The following SPINK9 variants were observed in gnomAD, a reference collection of about 807,000 sequenced individuals.
SPINK9 encodes serine protease inhibitor Kazal-type 9.
Under a neutral mutation model 10.8 loss-of-function variants are expected in SPINK9, and 3 were observed. That is an observed-to-expected ratio of 0.28 (90% confidence interval 0.13 to 0.72). SPINK9 has a LOEUF of 0.72. SPINK9 is among the 30% of genes least tolerant of loss of function. The pLI, the probability that SPINK9 is intolerant of heterozygous loss-of-function variation, is 0.74. For synonymous variants in SPINK9, 30 were observed against 31.2 expected (o/e 0.96, Z 0.12); for missense variants, 101 against 103.2 (o/e 0.98, Z 0.09).
At chr5:148,328,458 T>C (rs980609453) in intron 2 of SPINK9, among the ~76,000 whole-genome samples, 2 of 152,206 alleles carry the variant, frequency 1.3e-5, no homozygotes, top group African/African-American at 4.8e-5. Flanking sequence ...ACAGGGACAA[T>C]TTGACTTCCT....
intron 2 of SPINK9, 102 bp from the exon 3 acceptor site, chr5:148,338,376 G>C: frequency 3.0e-6 from 3 of 1,015,110 alleles, no homozygotes; most frequent in Non-Finnish European, 4.3e-6. Context: ...ATTGTAATAA[G>C]AAACATGCAT....
intron 2 of SPINK9, among the ~76,000 whole-genome samples, chr5:148,327,452 G>C (rs7713465): frequency 0.041 from 6,185 of 152,072 alleles, 430 homozygotes; most frequent in African/African-American, 0.14. Flanking sequence ...TCATTCTGTA[G>C]GTTGCCTGTT....
At chr5:148,328,180 A>C (rs1180720784) in intron 2 of SPINK9, among the ~76,000 whole-genome samples, 15 of 151,768 alleles carry the variant, frequency 9.9e-5, no homozygotes, top group Non-Finnish European at 1.3e-4. Flanking sequence ...CTTTTATTTC[A>C]TTGAGCAGTG....
chr5:148,335,110 C>T (rs1280035056), upstream of SPINK9, among the ~76,000 whole-genome samples: 1 of 152,204 alleles, frequency 6.6e-6, no homozygotes, highest in Non-Finnish European at 1.5e-5. Flanking sequence ...CTACCTACAA[C>T]ACCTGCAAGA....
chr5:148,328,380 T>G (rs911579483), intron 2 of SPINK9, among the ~76,000 whole-genome samples: 5 of 152,228 alleles, frequency 3.3e-5, no homozygotes, highest in Non-Finnish European at 5.9e-5. Flanking sequence ...TGAAGTTGCG[T>G]ATCAGCTTAA....
rs1193676302 is a variant in SPINK9 at position 148,339,724 on chromosome 5, G to C, written c.*12G>C. 1 of 1,607,252 alleles carries C rather than the reference G, an allele frequency of 6.2e-7. No homozygotes were observed. Among genetic ancestry groups the C allele is most frequent in the Non-Finnish European group, 8.5e-7 (1 of 1,174,660 alleles). On this transcript the variant is annotated 3_prime_UTR_variant, in exon 4 of 4. Transcript: ENST00000377906. ...TTGGAAAATGTTAAATCTATCTTGT[G>C]AGTCCAAAATATCTTTTAATGCATC...
At chr5:148,324,842 G>A (rs1202064629) in intron 2 of SPINK9, among the ~76,000 whole-genome samples, 2 of 151,882 alleles carry the variant, frequency 1.3e-5, no homozygotes, top group Non-Finnish European at 2.9e-5. Flanking sequence ...TTTCTGGTCT[G>A]TTAACAAAAT....
chr5:148,324,792 A>G (rs1757038671), intron 2 of SPINK9, among the ~76,000 whole-genome samples: 1 of 151,698 alleles, frequency 6.6e-6, no homozygotes. Flanking sequence ...AGAGAGAGAG[A>G]GAGTCAAAAT....
intron 1 of SPINK9, 115 bp from the exon 2 acceptor site, chr5:148,336,307 G>C: frequency 3.7e-6 from 4 of 1,073,228 alleles, no homozygotes; most frequent in Non-Finnish European, 5.7e-6. Flanking sequence ...GTTGTGAAGA[G>C]AGACTTACAT....
intron 1 of SPINK9, among the ~76,000 whole-genome samples, chr5:148,322,423 C>G (rs1396174350): frequency 2.0e-5 from 3 of 152,094 alleles, no homozygotes; most frequent in Non-Finnish European, 4.4e-5. Context: ...TCCTCACTGT[C>G]AGGAATGGAA....
intron 2 of SPINK9, among the ~76,000 whole-genome samples, chr5:148,337,772 A>C (rs1181885145): frequency 6.6e-6 from 1 of 152,142 alleles, no homozygotes. Context: ...AGAGGTAAAA[A>C]AATTTTTACA....
intron 3 of SPINK9, 35 bp downstream of exon 3, chr5:148,338,640 G>T: frequency 6.8e-7 from 1 of 1,470,850 alleles, no homozygotes; most frequent in South Asian, 1.2e-5. Context: ...TCATATTTAA[G>T]GTAAAAGTAT....
chr5:148,335,577 T>C lies in SPINK9; in HGVS notation c.-37T>C. On this transcript the variant is annotated 5_prime_UTR_variant, in exon 1 of 4. Coordinates refer to ENST00000377906, the MANE Select transcript of SPINK9 (RefSeq NM_001040433.2). ...GCTGGACGGACACCAGGTCACTTCT[T>C]TTCCCTACATCTGACTGCCTTGGCC... 1 of 1,606,854 alleles carries C rather than the reference T, an allele frequency of 6.2e-7. No individual in the cohort carries two copies. Among genetic ancestry groups the C allele is most frequent in the African/African-American group, 1.3e-5 (1 of 74,894 alleles).
chr5:148,329,701 T>C (rs1277169184), intron 2 of SPINK9, among the ~76,000 whole-genome samples: 1 of 152,346 alleles, frequency 6.6e-6, no homozygotes. Context: ...TCTGGTATGT[T>C]GTGTCTTTGT....
At chr5:148,326,881 T>C (rs1177898430) in intron 2 of SPINK9, among the ~76,000 whole-genome samples, 2 of 152,082 alleles carry the variant, frequency 1.3e-5, no homozygotes, top group African/African-American at 2.4e-5. Flanking sequence ...CCATGGTGTA[T>C]ATGTGCCACA....
intron 2 of SPINK9, chr5:148,323,916 T>G: frequency 1.5e-6 from 1 of 666,418 alleles, no homozygotes; most frequent in Non-Finnish European, 2.7e-6. Flanking sequence ...AGTATTTCTT[T>G]CCTTACTTAT....
intron 1 of SPINK9, among the ~76,000 whole-genome samples, chr5:148,322,673 CA>C (rs1470116095): frequency 1.3e-5 from 2 of 152,158 alleles, no homozygotes; most frequent in African/African-American, 4.8e-5. Flanking sequence ...TTATAGTTTA[CA>C]AAACACTTTC....
At chr5:148,326,082 A>G (rs77762056) in intron 2 of SPINK9, among the ~76,000 whole-genome samples, 2,602 of 152,328 alleles carry the variant, frequency 0.017, 70 homozygotes, top group East Asian at 0.068. Context: ...AAATTGGGAC[A>G]AGGACCTGAA....
intron 2 of SPINK9, among the ~76,000 whole-genome samples, chr5:148,325,537 T>C (rs1480567743): frequency 2.6e-5 from 4 of 152,148 alleles, no homozygotes; most frequent in Non-Finnish European, 5.9e-5. Context: ...GGTCTTTTCA[T>C]GTGCTTATTG....
Sources: allele counts gnomAD v4.1 joint callset (sites outside exome capture counted in the v4.1 genomes callset), GRCh38; gene constraint gnomAD v4.1.1; transcripts MANE v1.5; gene names NCBI Gene and HGNC (gene_info 2026-07-23, HGNC 2026-07-21).